ATN1: variants seen among roughly 807,000 people sequenced by gnomAD.
The protein encoded by ATN1 is atrophin-1.
ATN1 carries 19 observed loss-of-function variants against 85.8 expected under a neutral mutation model. The observed-to-expected ratio is 0.22, with a 90% CI of 0.15 to 0.32. The LOEUF (loss-of-function observed/expected upper bound fraction) is 0.32, where lower values mean the gene tolerates loss of function less well. ATN1 is among the 10% of genes least tolerant of loss of function. The probability of loss-of-function intolerance (pLI) is 1.00; values close to 1 mark genes in which losing one functional copy is unlikely to be tolerated. For missense variants in ATN1, 1,453 were observed against 1,564.5 expected, an observed-to-expected ratio of 0.93 and a Z score of 1.20; for synonymous variants, 674 against 657.0, an observed-to-expected ratio of 1.03 and a Z score of -0.39.
At position 6,936,971 on chromosome 12, in the gene ATN1, C is replaced by T. The variant is rs987475927; in HGVS notation, c.1704C>T (p.Val568=). The change falls in exon 5 of 10, where the codon GTC becomes GTT. Residue 568 remains valine (V), a synonymous_variant. Coordinates refer to ENST00000396684, the MANE Select transcript of ATN1 (RefSeq NM_001940.4). ...YSQAGPNGPP[V]SSSSNSSSST... ...AAGCAGGCCCCAATGGCCCTCCAGTCTCTTCCTCTTCCAACTCTTCCTCTT... is the reference window on the plus strand; with the variant it reads ...AAGCAGGCCCCAATGGCCCTCCAGTTTCTTCCTCTTCCAACTCTTCCTCTT... 2.5e-6 allele frequency: 4 copies of T among 1,613,458 alleles called. No homozygotes were observed. The highest frequency in any genetic ancestry group is 1.3e-5 in the African/African-American group (1 of 74,888).
In ATN1 at chr12:6,937,427, C is replaced by G; in HGVS notation, c.2160C>G (p.Pro720=). The change falls in exon 5 of 10, where the codon CCC becomes CCG. Residue 720 remains proline (P), a synonymous_variant. Transcript: ENST00000396684. The surrounding 1 kb of genome is among the most constrained non-coding windows in gnomAD (Gnocchi z 6.0). The part of the protein sequence containing the change: ...PPPAAPASGP[P]LSATQIKQEP... ...CTGCGGCCCCTGCCTCAGGGCCGCCCCTGAGCGCCACGCAGATCAAACAGG... is the reference window on the plus strand; with the variant it reads ...CTGCGGCCCCTGCCTCAGGGCCGCCGCTGAGCGCCACGCAGATCAAACAGG... 6.5e-7 allele frequency: 1 copy of G among 1,547,710 alleles called. No individual in the cohort carries two copies. Among genetic ancestry groups the G allele is most frequent in the South Asian group, 1.2e-5 (1 of 84,344 alleles).
intron 1 of ATN1, among the ~76,000 whole-genome samples, chr12:6,931,329 A>ATTT (rs199675537): frequency 2.0e-5 from 2 of 102,152 alleles, no homozygotes; most frequent in African/African-American, 7.1e-5. Context: ...TGTTCTTCGG[A>ATTT]TTTTTTTTTT....
chr12:6,938,104 C>T (rs1555144166), intron 6 of ATN1, 37 bp downstream of exon 6: 3 of 1,519,848 alleles, frequency 2.0e-6, no homozygotes, highest in Admixed American at 2.1e-5. Context: ...GCCTTCTTTC[C>T]CTCTTTCCTT....
chr12:6,933,945 A>C lies in ATN1; in HGVS notation c.-57A>C. 1 of 1,571,324 alleles carries C rather than the reference A, an allele frequency of 6.4e-7. No individual in the cohort carries two copies. The highest frequency in any genetic ancestry group is 8.6e-7 in the Non-Finnish European group (1 of 1,156,696). ...GTGGGGAACTTGGGGTGGAGCAGAG[A>C]AGTTTCTGTATTCAGCTGCCCAGGC... is the stretch of plus-strand genomic sequence containing the variant. On this transcript the variant is annotated 5_prime_UTR_variant, in exon 2 of 10. Coordinates refer to ENST00000396684, the MANE Select transcript of ATN1 (RefSeq NM_001940.4).
At position 6,941,829 on chromosome 12, in the gene ATN1, A is replaced by C. The variant is rs1343426703; in HGVS notation, c.*49A>C. The stretch of plus-strand genomic sequence containing the variant: ...TGGCTCCTACATTGGACCTTGGAGC[A>C]CCCCCACCCTCCCCCCACCGTGCCC... On this transcript the variant is annotated 3_prime_UTR_variant, in exon 10 of 10. Coordinates refer to ENST00000396684, the MANE Select transcript of ATN1 (RefSeq NM_001940.4). The surrounding 1 kb of genome is among the most constrained non-coding windows in gnomAD (Gnocchi z 5.9). The C allele has an allele frequency of 3.1e-6, 5 of 1,594,878 alleles. No individual in the cohort carries two copies. Among genetic ancestry groups the C allele is most frequent in the Non-Finnish European group, 4.3e-6 (5 of 1,163,340 alleles).
At position 6,936,297 on chromosome 12, in the gene ATN1, C is replaced by T. The variant is rs1945531843; in HGVS notation, c.1030C>T (p.Pro344Ser). Residue 344 changes from proline (P) to serine (S), a missense_variant, in exon 5 of 10, where the codon CCT becomes TCT. Physicochemically the swap from Pro to Ser is moderately conservative, Grantham distance 74. Around this residue, in one of 6 missense-constraint regions of ATN1, gnomAD observed 990 missense variants for 914.8 expected, o/e 1.08. Transcript: ENST00000396684. Reference sequence around the variant, plus strand: ...GGGACAGGGTATGGGTGGACTTCCTCCTGGCCCAGAGAAGGGCCCAACTCT... The same window carrying T: ...GGGACAGGGTATGGGTGGACTTCCTTCTGGCCCAGAGAAGGGCCCAACTCT... ...AMGQGMGGLP[P>S]GPEKGPTLAP... The T allele has an allele frequency of 1.2e-6, 2 of 1,613,914 alleles. No individual in the cohort carries two copies. Among genetic ancestry groups the T allele is most frequent in the African/African-American group, 1.3e-5 (1 of 74,990 alleles).
At position 6,936,324 on chromosome 12, in the gene ATN1, G is replaced by T. The variant is rs202113252; in HGVS notation, c.1057G>T (p.Ala353Ser). The T allele has an allele frequency of 2.5e-5, 40 of 1,613,850 alleles. No individual in the cohort carries two copies. The highest frequency in any genetic ancestry group is 1.0e-4 in the Admixed American group (6 of 59,992). The change falls in exon 5 of 10, where the codon GCT (alanine) becomes TCT (serine). Residue 353 changes from alanine to serine, a missense_variant. Transcript: ENST00000396684. ...TGGCCCAGAGAAGGGCCCAACTCTG[G>T]CTCCTTCACCCCACTCTCTGCCTCC... ...PPGPEKGPTL[A>S]PSPHSLPPAS...
At chr12:6,925,121 T>TGC (rs1156520244), upstream of ATN1, among the ~76,000 whole-genome samples, 208 of 145,164 alleles carry the variant, frequency 1.4e-3, 1 homozygote, top group African/African-American at 5.1e-3. Context: ...CGTGTGCGTG[T>TGC]GTGTGTGTGT....
Position 6,941,487 on chromosome 12 carries a change from C to T in ATN1, c.3472C>T (p.Gln1158Ter). The T allele has an allele frequency of 1.2e-6, 2 of 1,612,842 alleles. No individual in the cohort carries two copies. Among genetic ancestry groups the T allele is most frequent in the African/African-American group, 1.3e-5 (1 of 75,068 alleles). ...AELQRLALEQQQWLHAHHPLH... is the reference protein window; with the variant it reads ...AELQRLALEQ ...GCTGCAGCGCTTGGCGCTGGAACAG[C>T]AGCAGTGGCTGCATGCCCATCACCC... The change falls in exon 9 of 10, where the codon CAG becomes TAG. Residue 1158 changes from glutamine to a stop codon, truncating the protein, a stop_gained. Transcript: ENST00000396684. LOFTEE classifies it high-confidence loss of function. This position sits in a 1 kb window ranked among gnomAD's most constrained non-coding sequence, Gnocchi z 5.9.
chr12:6,927,739 TCCTTCTCCCTCTTCCTC>T (rs1315767351), upstream of ATN1, among the ~76,000 whole-genome samples: 1 of 150,030 alleles, frequency 6.7e-6, no homozygotes, highest in African/African-American at 2.5e-5. Context: ...CCGCGCTCCC[TCCTTCTCCCTCTTCCTC>T]CCTTCTCCCA....
chr12:6,938,049 C>G lies in ATN1; in HGVS notation c.2499C>G (p.Arg833=). Residue 833 remains arginine (R), a synonymous_variant, in exon 6 of 10, where the codon CGC becomes CGG. Coordinates refer to ENST00000396684, the MANE Select transcript of ATN1 (RefSeq NM_001940.4). The stretch of plus-strand genomic sequence containing the variant: ...AAGAGCGCGAGCGCGAGAAGGAGCG[C>G]GAGCTTGAACGCAGCGTGGTGAGTG... ...REKEREREKE[R]ELERSVKLAQ... The G allele has an allele frequency of 6.5e-7, 1 of 1,545,772 alleles. No individual in the cohort carries two copies. The highest frequency in any genetic ancestry group is 8.7e-7 in the Non-Finnish European group (1 of 1,146,220).
In ATN1 at chr12:6,941,102, G is replaced by A; in HGVS notation, c.3358+79G>A. 1 of 1,550,178 alleles carries A rather than the reference G, an allele frequency of 6.5e-7. No individual in the cohort carries two copies. ...GTATTTGGGTGGGGGGATGGGCCTA[G>A]TTGGGCTTGGGGAGGGATGAGGAGG... On this transcript the variant is annotated intron_variant, in intron 8 of 9. Coordinates refer to ENST00000396684, the MANE Select transcript of ATN1 (RefSeq NM_001940.4). This position sits in a 1 kb window ranked among gnomAD's most constrained non-coding sequence, Gnocchi z 5.9.
Position 6,938,643 on chromosome 12 carries a change from G to A in ATN1, c.2680G>A (p.Val894Ile). 1 of 1,614,218 alleles carries A rather than the reference G, an allele frequency of 6.2e-7. No homozygotes were observed. Among genetic ancestry groups the A allele is most frequent in the Non-Finnish European group, 8.5e-7 (1 of 1,180,038 alleles). Reference protein sequence around the residue: ...RTLSEYARPHVMSPGNRNHPF... With the variant: ...RTLSEYARPHIMSPGNRNHPF... ...TCTCAGTGAATATGCCCGGCCTCAT[G>A]TCATGTCTCCTGGCAATCGCAACCA... Residue 894 changes from valine to isoleucine, a missense_variant, in exon 7 of 10, where the codon GTC becomes ATC. Val to Ile is a conservative substitution (Grantham distance 29). This residue lies in a region of ATN1 where 208 missense variants were observed against 263.4 expected (regional missense o/e 0.79). Transcript: ENST00000396684.
intron 1 of ATN1, among the ~76,000 whole-genome samples, chr12:6,929,955 C>T (rs1258858709): frequency 3.9e-5 from 6 of 152,192 alleles, no homozygotes; most frequent in Admixed American, 6.5e-5. Context: ...AACCTTTGGC[C>T]TTCTTCCCTG....
intron 7 of ATN1, 44 bp downstream of exon 7, chr12:6,939,221 C>A (rs782611930): frequency 6.5e-7 from 1 of 1,543,674 alleles, no homozygotes; most frequent in Admixed American, 1.8e-5. Flanking sequence ...GGGCCACCTT[C>A]CCCCTATCAT....
chr12:6,937,914 G>A lies in ATN1; in HGVS notation c.2364G>A (p.Glu788=). 6.3e-7 allele frequency: 1 copy of A among 1,596,712 alleles called. No homozygotes were observed. Among genetic ancestry groups the A allele is most frequent in the East Asian group, 2.3e-5 (1 of 43,360 alleles). ...ARSDLYFVPL[E]GSKLAKKRAD... Reference sequence around the variant, plus strand: ...GCGACCTGTACTTCGTGCCACTGGAGGGCTCCAAGCTGGCCAAGAAGCGGG... The same window carrying A: ...GCGACCTGTACTTCGTGCCACTGGAAGGCTCCAAGCTGGCCAAGAAGCGGG... Residue 788 remains glutamate (E), a synonymous_variant, in exon 6 of 10, where the codon GAG becomes GAA. Coordinates refer to ENST00000396684, the MANE Select transcript of ATN1 (RefSeq NM_001940.4). This position sits in a 1 kb window ranked among gnomAD's most constrained non-coding sequence, Gnocchi z 6.0.
At chr12:6,927,490 C>T (rs1381707263), upstream of ATN1, among the ~76,000 whole-genome samples, 3 of 151,848 alleles carry the variant, frequency 2.0e-5, no homozygotes, top group African/African-American at 7.3e-5. Context: ...ACTTCAGCCT[C>T]CCCTCATCTG....
In ATN1 at chr12:6,928,287, A is replaced by G. The variant is rs1945421348; in HGVS notation, c.-260A>G. 9.2e-6 allele frequency: 1 copy of G among 108,666 alleles called. No individual in the cohort carries two copies. The highest frequency in any genetic ancestry group is 3.6e-5 in the African/African-American group (1 of 28,116). 6.7% of individuals were successfully genotyped at this position (108,666 alleles called of 1,614,324 possible). A position where few individuals can be genotyped will look rare whatever the true frequency, so the allele number is the denominator to read the frequency against. On this transcript the variant is annotated 5_prime_UTR_variant, in exon 1 of 10. Transcript: ENST00000396684. ...CGCGGCGGCGACTGAGGCCGAGAAG[A>G]GGAGAGGGGGGCGGGGGAGCTGCCG...
At position 6,935,486 on chromosome 12, in the gene ATN1, C is replaced by T; in HGVS notation, c.280-61C>T. 1 of 1,256,168 alleles carries T rather than the reference C, an allele frequency of 8.0e-7. No individual in the cohort carries two copies. The allele number at this position is 1,256,168 out of a possible 1,614,324, so 77.8% of individuals were successfully genotyped here. On this transcript the variant is annotated intron_variant, in intron 4 of 9. Coordinates refer to ENST00000396684, the MANE Select transcript of ATN1 (RefSeq NM_001940.4). The surrounding 1 kb of genome is among the most constrained non-coding windows in gnomAD (Gnocchi z 5.3). The stretch of plus-strand genomic sequence containing the variant: ...GGGGAAATGATTTTATGCAAGAGAG[C>T]CCCAAATCTCAGGGAAGCAGGAAAG...
Sources: gnomAD v4.1 joint callset for allele counts (sites outside exome capture counted in the v4.1 genomes callset) on GRCh38, gnomAD v4.1.1 for gene constraint, gnomAD v4.1.1 regional missense constraint, Gnocchi (gnomAD v3.1) non-coding constraint, MANE v1.5 for transcripts, NCBI Gene and HGNC (gene_info 2026-07-23, HGNC 2026-07-21) for gene names.